DYNC2H1: variants seen among roughly 807,000 people sequenced by gnomAD.
DYNC2H1 encodes dynein cytoplasmic 2 heavy chain 1.
In DYNC2H1, 410 loss-of-function variants were observed where a neutral mutation model predicts 570.0. The ratio of observed to expected loss-of-function variants is 0.72; its 90% CI spans 0.66 to 0.78. The LOEUF (loss-of-function observed/expected upper bound fraction) is 0.78, where lower values mean the gene tolerates loss of function less well. Among genes scored for constraint, DYNC2H1 ranks in the 30% least tolerant of loss-of-function variants. DYNC2H1 has a pLI of 0.00. For missense variants in DYNC2H1, 4,865 were observed against 5,046.4 expected (o/e 0.96, Z 1.09); for synonymous variants, 1,688 against 1,677.6 (o/e 1.01, Z -0.15).
rs1468502916 is a variant in DYNC2H1, at chr11:103,200,088, C to T, written c.8131C>T (p.Leu2711Phe). Residue 2711 changes from leucine to phenylalanine, a missense_variant, in exon 50 of 89, where the codon CTT becomes TTT. Physicochemically the swap from Leu to Phe is conservative, Grantham distance 22. This residue lies in a region of DYNC2H1 where 2,401 missense variants were observed against 2,454.6 expected (regional missense o/e 0.98). Transcript: ENST00000375735. ...AATTGAAGCACAACAGGTAGTTTTA[C>T]TTCTTGAGGATTACCAGTTTGTACA... ...AGIEAQQVVLLLEDYQFVHPT... is the reference protein window; with the variant it reads ...AGIEAQQVVLFLEDYQFVHPT... 1 of 1,591,060 alleles carries T rather than the reference C, an allele frequency of 6.3e-7. No individual in the cohort carries two copies. The highest frequency in any genetic ancestry group is 1.7e-5 in the Admixed American group (1 of 57,858).
At chr11:103,315,882 G>T (rs1378450013) in intron 79 of DYNC2H1, among the ~76,000 whole-genome samples, 1 of 151,374 alleles carries the variant, frequency 6.6e-6, no homozygotes, top group African/African-American at 2.4e-5. Flanking sequence ...TTTTTTGAGT[G>T]TTGAATGAAT....
chr11:103,224,145 T>C (rs1863707683), intron 59 of DYNC2H1, among the ~76,000 whole-genome samples: 1 of 152,192 alleles, frequency 6.6e-6, no homozygotes, highest in African/African-American at 2.4e-5. Flanking sequence ...GGAGGAAGAT[T>C]TAACCACTTA....
intron 79 of DYNC2H1, among the ~76,000 whole-genome samples, chr11:103,315,116 T>C (rs761868051): frequency 2.7e-4 from 41 of 151,988 alleles, no homozygotes; most frequent in Non-Finnish European, 4.7e-4. Context: ...AGTATCCAAA[T>C]GCTATTGACC....
intron 82 of DYNC2H1, among the ~76,000 whole-genome samples, chr11:103,329,821 A>G (rs1938686179): frequency 6.6e-6 from 1 of 152,182 alleles, no homozygotes; most frequent in Non-Finnish European, 1.5e-5. Flanking sequence ...TAAAGCAACT[A>G]TAAATATTGT....
intron 85 of DYNC2H1, among the ~76,000 whole-genome samples, chr11:103,450,315 G>A (rs562144973): frequency 6.6e-6 from 1 of 152,298 alleles, no homozygotes; most frequent in African/African-American, 2.4e-5. Context: ...TAGCAGATCA[G>A]TAAAGATATA....
At chr11:103,416,117 A>C (rs1207283594) in intron 84 of DYNC2H1, among the ~76,000 whole-genome samples, 1 of 152,176 alleles carries the variant, frequency 6.6e-6, no homozygotes, top group African/African-American at 2.4e-5. Flanking sequence ...ACCTGGACAC[A>C]GGAAGGGAAC....
At chr11:103,453,472 A>G (rs1409188546) in intron 85 of DYNC2H1, among the ~76,000 whole-genome samples, 1 of 151,878 alleles carries the variant, frequency 6.6e-6, no homozygotes, top group Non-Finnish European at 1.5e-5. Context: ...ACACATTTGC[A>G]TTAGTCTACC....
intron 50 of DYNC2H1, 125 bp downstream of exon 50, chr11:103,200,279 A>C (rs1225879625): frequency 1.5e-6 from 1 of 666,112 alleles, no homozygotes; most frequent in African/African-American, 1.9e-5. Context: ...CTTAGGAGAC[A>C]TGGTGTTAAA....
chr11:103,381,845 G>C (rs1941661406), intron 83 of DYNC2H1, among the ~76,000 whole-genome samples: 1 of 152,156 alleles, frequency 6.6e-6, no homozygotes, highest in African/African-American at 2.4e-5. Flanking sequence ...ATATATTTAA[G>C]TATATAACTT....
chr11:103,433,171 T>G (rs1215327810), intron 84 of DYNC2H1, among the ~76,000 whole-genome samples: 2 of 152,220 alleles, frequency 1.3e-5, no homozygotes, highest in East Asian at 3.9e-4. Flanking sequence ...CTATTATGTT[T>G]TAATTCTCTA....
At chr11:103,339,103 T>C (rs575213328) in intron 82 of DYNC2H1, among the ~76,000 whole-genome samples, 2 of 152,128 alleles carry the variant, frequency 1.3e-5, no homozygotes, top group East Asian at 3.9e-4. Flanking sequence ...CTTGGTGGAG[T>C]TGGGCAAGGT....
chr11:103,433,106 ATATT>A (rs1275764418), intron 84 of DYNC2H1, among the ~76,000 whole-genome samples: 18 of 152,212 alleles, frequency 1.2e-4, no homozygotes, highest in African/African-American at 3.8e-4. Flanking sequence ...TTTAAATACT[ATATT>A]TATTTTATTC....
At chr11:103,452,203 A>C (rs1300176715) in intron 85 of DYNC2H1, among the ~76,000 whole-genome samples, 2 of 152,124 alleles carry the variant, frequency 1.3e-5, no homozygotes, top group Non-Finnish European at 2.9e-5. Flanking sequence ...TAATAGGTTA[A>C]ATTCTAACAT....
Position 103,109,493 on chromosome 11 carries a change from C to CTCCT in DYNC2H1, c.-81_-78dup. 2 of 1,311,464 alleles carry CTCCT rather than the reference C, an allele frequency of 1.5e-6. No homozygotes were observed. The highest frequency in any genetic ancestry group is 2.1e-6 in the Non-Finnish European group (2 of 947,768). 81.2% of individuals were successfully genotyped at this position (1,311,464 alleles called of 1,614,324 possible). On this transcript the variant is annotated 5_prime_UTR_variant, in exon 1 of 89. Coordinates refer to ENST00000375735, the MANE Select transcript of DYNC2H1 (RefSeq NM_001377.3). Reference sequence around the variant, plus strand: ...GGTCGGGCTACGGGTTTGAGCAAAGCTCCTCTCTTCCCTTCACTTCCCTCC... The same window carrying CTCCT: ...GGTCGGGCTACGGGTTTGAGCAAAGCTCCTTCCTCTCTTCCCTTCACTTCCCTCC...
chr11:103,417,676 G>T (rs148138227), intron 84 of DYNC2H1, among the ~76,000 whole-genome samples: 2,279 of 151,958 alleles, frequency 0.015, 73 homozygotes, highest in Non-Finnish European at 0.013. Flanking sequence ...AGGATTTCGA[G>T]ACCAGTCTGA....
At chr11:103,347,647 T>A (rs1046723890) in intron 82 of DYNC2H1, among the ~76,000 whole-genome samples, 3 of 152,158 alleles carry the variant, frequency 2.0e-5, no homozygotes, top group Non-Finnish European at 4.4e-5. Context: ...TTGAAAATGT[T>A]CATAGTAAAA....
chr11:103,214,804 T>C (rs1243881248), intron 54 of DYNC2H1, among the ~76,000 whole-genome samples: 4 of 147,534 alleles, frequency 2.7e-5, no homozygotes, highest in East Asian at 2.0e-4. Flanking sequence ...TTTTTTTTTT[T>C]CCTATCTTTT....
At chr11:103,206,255 A>G (rs1409970675) in intron 52 of DYNC2H1, among the ~76,000 whole-genome samples, 2 of 152,196 alleles carry the variant, frequency 1.3e-5, no homozygotes, top group Non-Finnish European at 2.9e-5. Flanking sequence ...TAGAAGGATG[A>G]AATGACTATC....
chr11:103,328,684 T>C (rs1007084564), intron 82 of DYNC2H1, among the ~76,000 whole-genome samples: 4 of 152,222 alleles, frequency 2.6e-5, no homozygotes, highest in Admixed American at 2.6e-4. Flanking sequence ...GTTGTATCTA[T>C]CTACTGCAAA....
Sources: gnomAD v4.1 joint callset for allele counts (sites outside exome capture counted in the v4.1 genomes callset) on GRCh38, gnomAD v4.1.1 for gene constraint, gnomAD v4.1.1 regional missense constraint, MANE v1.5 for transcripts, NCBI Gene and HGNC (gene_info 2026-07-23, HGNC 2026-07-21) for gene names.